Variants in FRMD4A observed in about 807,000 individuals in gnomAD.
FRMD4A encodes the protein FERM domain containing 4A.
In FRMD4A, 29 loss-of-function variants were observed where a neutral mutation model predicts 129.1. The ratio of observed to expected loss-of-function variants is 0.22; its 90% CI spans 0.17 to 0.31. The LOEUF (loss-of-function observed/expected upper bound fraction) is 0.31, where lower values mean the gene tolerates loss of function less well. FRMD4A is among the 10% of genes least tolerant of loss of function. FRMD4A has a pLI of 1.00. For synonymous variants in FRMD4A, 634 were observed against 571.6 expected (o/e 1.11, Z -1.56); for missense variants, 1,272 against 1,375.8 (o/e 0.92, Z 1.19).
intron 3 of FRMD4A, among the ~76,000 whole-genome samples, chr10:13,831,327 G>C (rs543151989): frequency 1.3e-5 from 2 of 152,146 alleles, no homozygotes; most frequent in Admixed American, 1.3e-4. Context: ...GTATACCTGA[G>C]GTCTCAGCAC....
intron 2 of FRMD4A, among the ~76,000 whole-genome samples, chr10:14,117,280 C>T (rs1053290936): frequency 2.0e-5 from 3 of 152,212 alleles, no homozygotes; most frequent in Admixed American, 6.5e-5. Flanking sequence ...ATGTGACAGG[C>T]ACTGAAGAAA....
chr10:13,948,901 C>T (rs563839898), intron 2 of FRMD4A, among the ~76,000 whole-genome samples: 34 of 151,638 alleles, frequency 2.2e-4, no homozygotes, highest in South Asian at 2.1e-4. Context: ...CTGCCCGCCT[C>T]GGCCTCCCAA....
At chr10:13,907,086 C>T (rs2094889800) in intron 2 of FRMD4A, among the ~76,000 whole-genome samples, 1 of 152,086 alleles carries the variant, frequency 6.6e-6, no homozygotes, top group South Asian at 2.1e-4. Flanking sequence ...AAGTCAGTGA[C>T]AACACTGCCG....
intron 2 of FRMD4A, among the ~76,000 whole-genome samples, chr10:13,871,883 C>A (rs1280428570): frequency 6.6e-6 from 1 of 152,356 alleles, no homozygotes; most frequent in South Asian, 2.1e-4. Flanking sequence ...TGAGCCACAC[C>A]GCCGGGGCTT....
chr10:14,031,517 C>T (rs1833243922), intron 2 of FRMD4A, among the ~76,000 whole-genome samples: 1 of 152,190 alleles, frequency 6.6e-6, no homozygotes, highest in South Asian at 2.1e-4. Context: ...ATCCACCTGC[C>T]TCGGCCTCCC....
chr10:14,145,235 C>T (rs1381100082), intron 2 of FRMD4A, among the ~76,000 whole-genome samples: 1 of 152,198 alleles, frequency 6.6e-6, no homozygotes, highest in Admixed American at 6.5e-5. Flanking sequence ...AATTCTATTC[C>T]TAACTCTGCT....
intron 15 of FRMD4A, among the ~76,000 whole-genome samples, chr10:13,680,425 C>T (rs1298421579): frequency 6.7e-6 from 1 of 149,532 alleles, no homozygotes; most frequent in African/African-American, 2.5e-5. Flanking sequence ...TGTTTAGCCC[C>T]TTGGAAATTA....
chr10:13,699,799 G>A (rs894929975), intron 14 of FRMD4A, among the ~76,000 whole-genome samples: 3 of 152,156 alleles, frequency 2.0e-5, no homozygotes, highest in Non-Finnish European at 2.9e-5. Flanking sequence ...CCCACCCACT[G>A]TGTCAATATC....
intron 2 of FRMD4A, among the ~76,000 whole-genome samples, chr10:14,246,057 G>C (rs1231569428): frequency 6.6e-6 from 1 of 152,184 alleles, no homozygotes; most frequent in Non-Finnish European, 1.5e-5. Flanking sequence ...CTCAAGGGCT[G>C]TCTGCCCTGC....
chr10:14,132,512 A>G (rs1031919953), intron 2 of FRMD4A, among the ~76,000 whole-genome samples: 1 of 152,112 alleles, frequency 6.6e-6, no homozygotes, highest in African/African-American at 2.4e-5. Context: ...GTTGTTATCA[A>G]TCTGGCTGGC....
At chr10:14,083,029 C>T (rs1836019310) in intron 2 of FRMD4A, 1 of 152,204 alleles carries the variant, frequency 6.6e-6, no homozygotes, top group South Asian at 2.1e-4. Context: ...GCAGATCTAA[C>T]TAAGGTGCAA....
At chr10:13,865,355 G>A (rs1378824171) in intron 2 of FRMD4A, among the ~76,000 whole-genome samples, 1 of 152,038 alleles carries the variant, frequency 6.6e-6, no homozygotes, top group Non-Finnish European at 1.5e-5. Context: ...CATAGTCCTT[G>A]TAGGACAGGA....
chr10:14,023,128 T>C (rs1832835517), intron 2 of FRMD4A, among the ~76,000 whole-genome samples: 1 of 152,024 alleles, frequency 6.6e-6, no homozygotes, highest in Non-Finnish European at 1.5e-5. Context: ...GTCATGACCC[T>C]GGCCATGAAT....
chr10:14,298,362 C>T (rs898294461), intron 2 of FRMD4A, among the ~76,000 whole-genome samples: 4 of 152,128 alleles, frequency 2.6e-5, no homozygotes, highest in Non-Finnish European at 1.5e-5. Flanking sequence ...ACAGAGCATA[C>T]AGAGGGCTAT....
chr10:13,978,904 C>G (rs2095551225), intron 2 of FRMD4A, among the ~76,000 whole-genome samples: 1 of 152,164 alleles, frequency 6.6e-6, no homozygotes, highest in South Asian at 2.1e-4. Flanking sequence ...TAGAAATATT[C>G]CCCTCAAGCT....
chr10:14,011,421 G>A (rs571788483), intron 2 of FRMD4A, among the ~76,000 whole-genome samples: 4 of 152,258 alleles, frequency 2.6e-5, no homozygotes, highest in African/African-American at 7.2e-5. Flanking sequence ...GTCACCTAGT[G>A]GAGTCTAGAA....
chr10:13,814,793 T>C (rs11258638), intron 3 of FRMD4A, among the ~76,000 whole-genome samples: 51,664 of 151,784 alleles, frequency 0.34, 9,902 homozygotes, highest in Non-Finnish European at 0.43. Context: ...AGTGCTGGCA[T>C]AGTTTATCTA....
intron 6 of FRMD4A, among the ~76,000 whole-genome samples, chr10:13,772,891 C>A (rs2092497371): frequency 6.6e-6 from 1 of 152,092 alleles, no homozygotes; most frequent in Non-Finnish European, 1.5e-5. Context: ...TTTGATAGCA[C>A]AACAGGGTAA....
rs1327221223 is a variant in FRMD4A, at chr10:13,644,750, A to G, written c.*2288T>C. On this transcript the variant is annotated 3_prime_UTR_variant, in exon 25 of 25. Transcript: ENST00000357447. Reference sequence around the variant, plus strand: ...TGACTATCCATGAATCTTCTTTGGGAGAAAGAAAAATGGCCCAATGTATAA... The same window carrying G: ...TGACTATCCATGAATCTTCTTTGGGGGAAAGAAAAATGGCCCAATGTATAA... 6.6e-6 allele frequency: 1 copy of G among 152,128 alleles called. No individual in the cohort carries two copies. Among genetic ancestry groups the G allele is most frequent in the Non-Finnish European group, 1.5e-5 (1 of 68,032 alleles). 9.4% of individuals were successfully genotyped at this position (152,128 alleles called of 1,614,324 possible).
Sources: gnomAD v4.1 joint callset for allele counts (sites outside exome capture counted in the v4.1 genomes callset) on GRCh38, gnomAD v4.1.1 for gene constraint, MANE v1.5 for transcripts, NCBI Gene and HGNC (gene_info 2026-07-23, HGNC 2026-07-21) for gene names.